Variants in XIRP2 observed in about 807,000 individuals in gnomAD.
The protein encoded by XIRP2 is xin actin binding repeat containing 2.
Under a neutral mutation model 277.0 loss-of-function variants are expected in XIRP2, and 236 were observed. The observed-to-expected ratio is 0.85, with a 90% CI of 0.77 to 0.95. The LOEUF (loss-of-function observed/expected upper bound fraction) is 0.95, where lower values mean the gene tolerates loss of function less well. Ranked by LOEUF, XIRP2 falls within the 40% of genes least tolerant of loss-of-function variation. The pLI, the probability that XIRP2 is intolerant of heterozygous loss-of-function variation, is 0.00. For missense variants in XIRP2, 4,640 were observed against 4,157.5 expected (o/e 1.12, Z -3.19); for synonymous variants, 1,490 against 1,416.5 (o/e 1.05, Z -1.17).
At chr2:167,123,615 T>G (rs922835847) in intron 2 of XIRP2, among the ~76,000 whole-genome samples, 1 of 152,166 alleles carries the variant, frequency 6.6e-6, no homozygotes, top group Non-Finnish European at 1.5e-5. Context: ...ATTCCAGGCC[T>G]CTCTCCGTGG....
intron 1 of XIRP2, among the ~76,000 whole-genome samples, chr2:166,894,455 T>C (rs924675515): frequency 2.0e-5 from 3 of 152,146 alleles, no homozygotes; most frequent in African/African-American, 7.2e-5. Context: ...TTTATTAGTG[T>C]TTCTCAAAGT....
chr2:167,101,386 A>C (rs994874885), intron 2 of XIRP2, among the ~76,000 whole-genome samples: 13 of 152,276 alleles, frequency 8.5e-5, no homozygotes, highest in African/African-American at 3.1e-4. Context: ...TCAGTGCTTT[A>C]GTGGTGATTT....
At chr2:167,160,062 T>C (rs1196542886) in intron 3 of XIRP2, among the ~76,000 whole-genome samples, 1 of 152,148 alleles carries the variant, frequency 6.6e-6, no homozygotes, top group Admixed American at 6.5e-5. Context: ...TTCTTATTCA[T>C]ATATATAGGC....
chr2:167,249,354 G>A lies in XIRP2; in HGVS notation c.7962G>A (p.Lys2654=). The A allele has an allele frequency of 6.2e-7, 1 of 1,613,606 alleles. No individual in the cohort carries two copies. The highest frequency in any genetic ancestry group is 1.1e-5 in the South Asian group (1 of 91,080). Reference sequence around the variant, plus strand: ...TAGCAGCTTCAGAAGACAAAGATAAGATGAAAAAGGAAGTTTTACAAAGCT... The same window carrying A: ...TAGCAGCTTCAGAAGACAAAGATAAAATGAAAAAGGAAGTTTTACAAAGCT... ...HVLAASEDKD[K]MKKEVLQSSR... is the part of the protein sequence containing the mutation. The change falls in exon 9 of 11, where the codon AAG becomes AAA. Residue 2654 remains lysine (K), a synonymous_variant. Transcript: ENST00000409195.
intron 3 of XIRP2, among the ~76,000 whole-genome samples, chr2:167,171,455 GTAGGAATTACTAGTTTGCTATATA>G (rs1487677640): frequency 2.0e-5 from 3 of 152,008 alleles, no homozygotes; most frequent in African/African-American, 7.2e-5. Flanking sequence ...AACATACTAT[GTAGGAATTACTAGTTTGCTATATA>G]TATAGATGGT....
At position 167,094,910 on chromosome 2, in the gene XIRP2, T is replaced by C. The variant is rs1690255383; in HGVS notation, c.409-40999T>C. 2.6e-5 allele frequency among the ~76,000 whole-genome samples: 4 copies of C among 152,194 alleles called. No homozygotes were observed. In the South Asian group the frequency reaches 8.3e-4, roughly 32 times the overall value. ...TGAATCTACAAATTACTTTGGGCAGTATGGCCATTTTCACTATATTGTTTC... is the reference window on the plus strand; with the variant it reads ...TGAATCTACAAATTACTTTGGGCAGCATGGCCATTTTCACTATATTGTTTC... On this transcript the variant is annotated intron_variant, in intron 2 of 10. Coordinates refer to ENST00000409195, the MANE Select transcript of XIRP2 (RefSeq NM_152381.6).
chr2:167,157,656 C>T (rs1357659912), intron 3 of XIRP2, among the ~76,000 whole-genome samples: 1 of 152,100 alleles, frequency 6.6e-6, no homozygotes. Flanking sequence ...ATCCAGAATG[C>T]TTGCCTTCCT....
At chr2:167,125,882 G>A (rs1231649373) in intron 2 of XIRP2, among the ~76,000 whole-genome samples, 2 of 152,108 alleles carry the variant, frequency 1.3e-5, no homozygotes, top group Non-Finnish European at 2.9e-5. Flanking sequence ...TTCATCTAAC[G>A]TGGGCCAGGG....
chr2:167,235,974 A>G (rs1041906379), intron 5 of XIRP2, among the ~76,000 whole-genome samples: 1 of 151,940 alleles, frequency 6.6e-6, no homozygotes, highest in African/African-American at 2.4e-5. Context: ...GCTTGAATCC[A>G]CTGACATTTT....
At chr2:167,215,044 G>A (rs1694202504) in intron 4 of XIRP2, among the ~76,000 whole-genome samples, 1 of 152,004 alleles carries the variant, frequency 6.6e-6, no homozygotes, top group African/African-American at 2.4e-5. Context: ...GAAACAGCAA[G>A]GTTCTTCTTA....
chr2:167,036,940 T>A (rs1460193106), intron 2 of XIRP2, among the ~76,000 whole-genome samples: 2 of 152,184 alleles, frequency 1.3e-5, no homozygotes, highest in Non-Finnish European at 1.5e-5. Context: ...TCTCTCTTGC[T>A]GCCACCATGT....
chr2:167,154,578 T>A (rs1451107480), intron 3 of XIRP2, among the ~76,000 whole-genome samples: 3 of 152,050 alleles, frequency 2.0e-5, no homozygotes, highest in African/African-American at 7.2e-5. Context: ...CTGAATTAAT[T>A]TTTGTATAAA....
At chr2:167,221,360 G>A (rs1388896571) in intron 5 of XIRP2, among the ~76,000 whole-genome samples, 1 of 151,646 alleles carries the variant, frequency 6.6e-6, no homozygotes, top group Non-Finnish European at 1.5e-5. Context: ...GCTACTGGGA[G>A]GCTGAGGCAG....
chr2:167,247,579 G>T lies in XIRP2; in HGVS notation c.6187G>T (p.Gly2063Cys). The change falls in exon 9 of 11, where the codon GGT (glycine) becomes TGT (cysteine). Residue 2063 changes from glycine to cysteine, a missense_variant. Transcript: ENST00000409195. ...SNVLESGDKT[G>C]VWTDTTGEQH... ...TGTTTTGGAATCAGGAGACAAAACG[G>T]GTGTCTGGACTGATACTACAGGAGA... 1 of 1,613,666 alleles carries T rather than the reference G, an allele frequency of 6.2e-7. No individual in the cohort carries two copies. Among genetic ancestry groups the T allele is most frequent in the Non-Finnish European group, 8.5e-7 (1 of 1,179,744 alleles).
intron 3 of XIRP2, among the ~76,000 whole-genome samples, chr2:167,164,791 C>T (rs567041715): frequency 6.8e-6 from 1 of 147,106 alleles, no homozygotes; most frequent in South Asian, 2.2e-4. Context: ...TTGCCATACA[C>T]CACTTACCCC....
At chr2:167,051,886 T>C (rs997359213) in intron 2 of XIRP2, among the ~76,000 whole-genome samples, 2 of 152,142 alleles carry the variant, frequency 1.3e-5, no homozygotes, top group African/African-American at 4.8e-5. Flanking sequence ...ACATTAAATA[T>C]GAAACTGAAC....
rs149705419 is a variant in XIRP2, at chr2:166,995,029, G to T, written c.408+91139G>T. 6.8e-3 allele frequency among the ~76,000 whole-genome samples: 1,036 copies of T among 151,688 alleles called. 66 individuals carry two copies. The East Asian group carries it at 0.14, about 20-fold the overall frequency. On this transcript the variant is annotated intron_variant, in intron 2 of 10. Coordinates refer to ENST00000409195, the MANE Select transcript of XIRP2 (RefSeq NM_152381.6). ...CCCTAGAAGCTGGGACTACAGGTGC[G>T]CACCACCTCGCCCAGCTAATTTTTG...
rs1695503811 is a variant in XIRP2, at chr2:167,251,558, T to C, written c.10166T>C (p.Phe3389Ser). ...TSLGNTSFTD[F>S]SCKHPRELRE... is the part of the protein sequence containing the mutation. The stretch of plus-strand genomic sequence containing the variant: ...TTAGGAAACACGAGTTTTACAGACT[T>C]TTCTTGCAAACATCCTAGAGAACTG... The change falls in exon 9 of 11, where the codon TTT (phenylalanine) becomes TCT (serine). Residue 3389 changes from phenylalanine (F) to serine (S), a missense_variant. Coordinates refer to ENST00000409195, the MANE Select transcript of XIRP2 (RefSeq NM_152381.6). The C allele has an allele frequency of 6.2e-7, 1 of 1,613,422 alleles. No homozygotes were observed. Among genetic ancestry groups the C allele is most frequent in the African/African-American group, 1.3e-5 (1 of 74,850 alleles).
Position 167,247,702 on chromosome 2 carries a change from G to A in XIRP2, c.6310G>A (p.Glu2104Lys). The change falls in exon 9 of 11, where the codon GAG (glutamate) becomes AAG (lysine). Residue 2104 changes from glutamate (E) to lysine (K), a missense_variant. Physicochemically the swap from Glu to Lys is moderately conservative, Grantham distance 56 (BLOSUM62 1). Transcript: ENST00000409195. ...TTKESDRAVR[E>K]LKKDDVFNSI... ...TAAAGAATCAGACAGGGCAGTGAGA[G>A]AGCTGAAGAAGGATGATGTCTTTAA... 1 of 1,613,630 alleles carries A rather than the reference G, an allele frequency of 6.2e-7. No individual in the cohort carries two copies.
Sources: allele counts gnomAD v4.1 joint callset (sites outside exome capture counted in the v4.1 genomes callset), GRCh38; gene constraint gnomAD v4.1.1; transcripts MANE v1.5; gene names NCBI Gene and HGNC (gene_info 2026-07-23, HGNC 2026-07-21).